Variants in AKR1D1 observed in about 807,000 individuals in gnomAD.
AKR1D1 encodes the protein aldo-keto reductase family 1 member D1, also known as delta(4)-3-ketosteroid 5-beta-reductase.
AKR1D1 carries 32 observed loss-of-function variants against 42.6 expected under a neutral mutation model. The ratio of observed to expected loss-of-function variants is 0.75; its 90% CI spans 0.57 to 1.01. The LOEUF (loss-of-function observed/expected upper bound fraction) is 1.01. AKR1D1 is among the 50% of genes least tolerant of loss of function. The pLI, the probability that AKR1D1 is intolerant of heterozygous loss-of-function variation, is 0.00. For missense variants in AKR1D1, 364 were observed against 402.2 expected, an observed-to-expected ratio of 0.91 and a Z score of 0.81; for synonymous variants, 123 against 135.5, an observed-to-expected ratio of 0.91 and a Z score of 0.64.
intron 4 of AKR1D1, among the ~76,000 whole-genome samples, chr7:138,098,905 C>G (rs1794237192): frequency 6.6e-6 from 1 of 152,040 alleles, no homozygotes; most frequent in South Asian, 2.1e-4. Flanking sequence ...ACAAATGTTG[C>G]CGCACAGGTG....
chr7:138,091,380 A>G, intron 2 of AKR1D1: 1 of 264,572 alleles, frequency 3.8e-6, no homozygotes, highest in Non-Finnish European at 7.4e-6. Flanking sequence ...GAGGGTTTTT[A>G]GGTCAAGTGT....
Position 138,097,929 on chromosome 7 carries a change from T to C in AKR1D1, c.442T>C (p.Cys148Arg), listed in dbSNP as rs372709775. 1.4e-5 allele frequency: 22 copies of C among 1,612,000 alleles called. No individual in the cohort carries two copies. Among genetic ancestry groups the C allele is most frequent in the Non-Finnish European group, 1.8e-5 (21 of 1,178,638 alleles). ...GKWLYHKSNL[C>R]ATWEAMEACK... ...ATGGTTATATCACAAGTCAAATCTG[T>C]GTGCCACTTGGGAGGTAAGTTCAAA... Residue 148 changes from cysteine to arginine, a missense_variant, in exon 4 of 9, where the codon TGT becomes CGT. Cys to Arg is a radical substitution (Grantham distance 180, BLOSUM62 -3). Transcript: ENST00000242375.
At position 138,117,427 on chromosome 7, in the gene AKR1D1, C is replaced by T. The variant is rs1220396767; in HGVS notation, c.*765C>T. The T allele has an allele frequency of 4.6e-5, 7 of 152,532 alleles. No individual in the cohort carries two copies. Among genetic ancestry groups the T allele is most frequent in the African/African-American group, 1.7e-4 (7 of 41,434 alleles). The allele number at this position is 152,532 out of a possible 1,614,324, so 9.4% of individuals were successfully genotyped here. On this transcript the variant is annotated 3_prime_UTR_variant, in exon 9 of 9. Transcript: ENST00000242375. ...CACTATTACGTGAAAAGGCTTGAAACAACCAACATATACAAATAAAACCCT... is the reference window on the plus strand; with the variant it reads ...CACTATTACGTGAAAAGGCTTGAAATAACCAACATATACAAATAAAACCCT...
At chr7:138,087,992 G>A (rs1296669207) in intron 1 of AKR1D1, among the ~76,000 whole-genome samples, 1 of 151,210 alleles carries the variant, frequency 6.6e-6, no homozygotes, top group Non-Finnish European at 1.5e-5. Flanking sequence ...CCAGGCTCAA[G>A]CAATCCCCCT....
At chr7:138,077,068 G>A (rs1336584252) in intron 1 of AKR1D1, among the ~76,000 whole-genome samples, 1 of 152,136 alleles carries the variant, frequency 6.6e-6, no homozygotes, top group Non-Finnish European at 1.5e-5. Flanking sequence ...AAATCAAATA[G>A]AGGGGGCAGA....
At chr7:138,113,810 G>T (rs1177539792) in intron 8 of AKR1D1, 38 bp downstream of exon 8, 2 of 1,551,334 alleles carry the variant, frequency 1.3e-6, no homozygotes, top group East Asian at 2.2e-5. Context: ...TTGACCAGTG[G>T]TATTGAATGG....
chr7:138,098,332 A>T (rs756488782), intron 4 of AKR1D1: 40 of 192,274 alleles, frequency 2.1e-4, no homozygotes, highest in Non-Finnish European at 4.1e-4. Context: ...AAAACAGGCC[A>T]GTCGCAGTGG....
At chr7:138,095,287 A>G (rs894785001) in intron 3 of AKR1D1, among the ~76,000 whole-genome samples, 1 of 152,236 alleles carries the variant, frequency 6.6e-6, no homozygotes, top group Non-Finnish European at 1.5e-5. Flanking sequence ...AATGTGGGTC[A>G]TAAGTGTTGA....
intron 3 of AKR1D1, among the ~76,000 whole-genome samples, chr7:138,093,222 T>A (rs946007861): frequency 6.6e-6 from 1 of 151,902 alleles, no homozygotes; most frequent in South Asian, 2.1e-4. Context: ...GCAAGCACCA[T>A]CACACCCGGC....
chr7:138,080,985 C>G (rs753037976), intron 1 of AKR1D1, among the ~76,000 whole-genome samples: 2 of 151,764 alleles, frequency 1.3e-5, no homozygotes. Context: ...CAGAGGACAG[C>G]CGTAATTGAG....
rs887417922 is a variant in AKR1D1, at chr7:138,098,471, G to T, written c.456+528G>T. On this transcript the variant is annotated intron_variant, in intron 4 of 8. Transcript: ENST00000242375. ...CTAAAAATAAAAAAATTAGCCAGGCGTGGTGGTGGGCGCCTATAATCCCGG... is the reference window on the plus strand; with the variant it reads ...CTAAAAATAAAAAAATTAGCCAGGCTTGGTGGTGGGCGCCTATAATCCCGG... Among the ~76,000 whole-genome samples the T allele has an allele frequency of 3.3e-5, 5 of 152,110 alleles. No individual in the cohort carries two copies. The East Asian group carries it at 5.8e-4, about 18-fold the overall frequency.
chr7:138,116,964 G>C lies in AKR1D1; in HGVS notation c.*302G>C, dbSNP rs1280866198. ...AGAAAAGACATCAAAGGCAACATATGACAACAAGTAATTTATGAATCTGGG... is the reference window on the plus strand; with the variant it reads ...AGAAAAGACATCAAAGGCAACATATCACAACAAGTAATTTATGAATCTGGG... On this transcript the variant is annotated 3_prime_UTR_variant, in exon 9 of 9. Transcript: ENST00000242375. The C allele has an allele frequency of 5.6e-6, 2 of 354,224 alleles. No individual in the cohort carries two copies. Among genetic ancestry groups the C allele is most frequent in the African/African-American group, 4.1e-5 (2 of 48,332 alleles). The allele number at this position is 354,224 out of a possible 1,614,324, so 21.9% of individuals were successfully genotyped here.
chr7:138,095,572 C>T (rs1440877882), intron 3 of AKR1D1, among the ~76,000 whole-genome samples: 1 of 152,204 alleles, frequency 6.6e-6, no homozygotes, highest in Non-Finnish European at 1.5e-5. Flanking sequence ...GTTGCCCAGA[C>T]TGGAGTGCAG....
chr7:138,086,983 A>G (rs917830508), intron 1 of AKR1D1, among the ~76,000 whole-genome samples: 1 of 152,244 alleles, frequency 6.6e-6, no homozygotes, highest in African/African-American at 2.4e-5. Context: ...TTTAAATGCC[A>G]TCATAACTGA....
At chr7:138,076,742 G>A in intron 1 of AKR1D1, 131 bp downstream of exon 1, 2 of 759,584 alleles carry the variant, frequency 2.6e-6, no homozygotes, top group Non-Finnish European at 4.6e-6. Context: ...ACCTCAATTT[G>A]TAATAATGAA....
intron 1 of AKR1D1, among the ~76,000 whole-genome samples, chr7:138,088,116 C>G (rs1286255565): frequency 6.6e-6 from 1 of 152,106 alleles, no homozygotes; most frequent in African/African-American, 2.4e-5. Context: ...GTCTCAAACT[C>G]CTGGCCTCAA....
chr7:138,105,254 A>C (rs1486467064), intron 4 of AKR1D1, 53 bp from the exon 5 acceptor site: 1 of 1,613,444 alleles, frequency 6.2e-7, no homozygotes, highest in Non-Finnish European at 8.5e-7. Flanking sequence ...ATAAACATTC[A>C]TTCTTGCTTC....
chr7:138,106,136 G>A (rs10274304), intron 5 of AKR1D1, among the ~76,000 whole-genome samples: 114,501 of 152,074 alleles, frequency 0.75, 43,264 homozygotes, highest in Non-Finnish European at 0.78. Context: ...TAATGCCCCC[G>A]TGTAGGCAAG....
At chr7:138,114,404 C>T (rs1338519821) in intron 8 of AKR1D1, among the ~76,000 whole-genome samples, 1 of 152,068 alleles carries the variant, frequency 6.6e-6, no homozygotes, top group African/African-American at 2.4e-5. Flanking sequence ...CGTGGTGGCT[C>T]ACGCCAATAC....
Sources: gnomAD v4.1 joint callset for allele counts (sites outside exome capture counted in the v4.1 genomes callset) on GRCh38, gnomAD v4.1.1 for gene constraint, MANE v1.5 for transcripts, NCBI Gene and HGNC (gene_info 2026-07-23, HGNC 2026-07-21) for gene names.